The following ARSB variants were observed in gnomAD, a reference collection of about 807,000 sequenced individuals.
The protein encoded by ARSB is N-acetylgalactosamine-4-sulfatase.
ARSB carries 41 observed loss-of-function variants against 50.9 expected under a neutral mutation model. The observed-to-expected ratio is 0.81, with a 90% confidence interval of 0.63 to 1.04. ARSB has a LOEUF of 1.04. Ranked by LOEUF, ARSB falls within the 50% of genes least tolerant of loss-of-function variation. The pLI, the probability that ARSB is intolerant of heterozygous loss-of-function variation, is 0.00. For synonymous variants in ARSB, 269 were observed against 284.8 expected, an observed-to-expected ratio of 0.94 and a Z score of 0.56; for missense variants, 672 against 693.3, an observed-to-expected ratio of 0.97 and a Z score of 0.35.
At chr5:78,798,229 A>C (rs1743247193) in intron 6 of ARSB, among the ~76,000 whole-genome samples, 1 of 152,228 alleles carries the variant, frequency 6.6e-6, no homozygotes, top group South Asian at 2.1e-4. Context: ...GTGACAACAG[A>C]CAGCCATCTC....
At chr5:78,947,708 A>G (rs1419675322) in intron 4 of ARSB, among the ~76,000 whole-genome samples, 2 of 152,178 alleles carry the variant, frequency 1.3e-5, no homozygotes, top group Non-Finnish European at 2.9e-5. Flanking sequence ...TACAGCCACT[A>G]TGGAGAACAG....
intron 4 of ARSB, among the ~76,000 whole-genome samples, chr5:78,896,460 C>T (rs544515410): frequency 1.3e-5 from 2 of 152,126 alleles, no homozygotes; most frequent in African/African-American, 2.4e-5. Flanking sequence ...AGAGGTACTG[C>T]GTTCAGTGAC....
Position 78,784,277 on chromosome 5 carries a change from T to C in ARSB, c.1214-2303A>G, listed in dbSNP as rs1446080225. ...ACAGTATGGAGGTTCCTCAAAAAATTAAAAATAGAACTACCATACAGTGCA... is the reference window on the plus strand; with the variant it reads ...ACAGTATGGAGGTTCCTCAAAAAATCAAAAATAGAACTACCATACAGTGCA... On this transcript the variant is annotated intron_variant, in intron 6 of 7. Transcript: ENST00000264914. Among the ~76,000 whole-genome samples the C allele has an allele frequency of 2.0e-5, 3 of 152,194 alleles. No homozygotes were observed. The East Asian group carries it at 5.8e-4, about 29-fold the overall frequency.
chr5:78,896,105 A>G (rs1349075231), intron 4 of ARSB, among the ~76,000 whole-genome samples: 1 of 152,182 alleles, frequency 6.6e-6, no homozygotes, highest in African/African-American at 2.4e-5. Flanking sequence ...GATGGAAGGC[A>G]GGCTCAGAGG....
intron 4 of ARSB, among the ~76,000 whole-genome samples, chr5:78,902,684 T>C (rs887847297): frequency 2.0e-5 from 3 of 152,244 alleles, no homozygotes; most frequent in East Asian, 3.8e-4. Context: ...ATATATTGTA[T>C]GATTCCATTT....
At position 78,956,955 on chromosome 5, in the gene ARSB, A is replaced by G. The variant is rs185013465; in HGVS notation, c.691-1453T>C. On this transcript the variant is annotated intron_variant, in intron 3 of 7. Transcript: ENST00000264914. ...ACTATATTTTATGAGAAAAAAAGTG[A>G]ACACCATGCCTTGTTAGTCTTTGAT... Among the ~76,000 whole-genome samples, 10 of 147,000 alleles carry G rather than the reference A, an allele frequency of 6.8e-5. No individual in the cohort carries two copies. In the South Asian group the frequency reaches 8.4e-4, roughly 12 times the overall value.
chr5:78,965,253 T>A (rs776231875), intron 2 of ARSB, among the ~76,000 whole-genome samples: 18 of 152,052 alleles, frequency 1.2e-4, no homozygotes, highest in Non-Finnish European at 2.1e-4. Context: ...GCCTATCCCA[T>A]AATTTAGACT....
chr5:78,952,853 C>T (rs1301959163), intron 4 of ARSB, among the ~76,000 whole-genome samples: 2 of 152,112 alleles, frequency 1.3e-5, no homozygotes, highest in African/African-American at 2.4e-5. Flanking sequence ...TTATGACTTC[C>T]AATTCTTGCA....
rs553310372 is a variant in ARSB, at chr5:78,815,123, G to A, written c.1213+24233C>T. On this transcript the variant is annotated intron_variant, in intron 6 of 7. Transcript: ENST00000264914. ...TAAGTTTAATCACAACCCAATTATC[G>A]AAAAGATTATTGAAGTTGACTGTAG... Among the ~76,000 whole-genome samples, 31 of 150,904 alleles carry A rather than the reference G, an allele frequency of 2.1e-4. No individual in the cohort carries two copies. The South Asian group carries it at 5.6e-3, about 27-fold the overall frequency.
intron 4 of ARSB, among the ~76,000 whole-genome samples, chr5:78,934,192 A>G (rs1050629843): frequency 6.6e-6 from 1 of 152,234 alleles, no homozygotes; most frequent in Non-Finnish European, 1.5e-5. Context: ...TGGAACATCA[A>G]TAATGGTGAG....
At chr5:78,787,101 T>TCTAG (rs1362810973) in intron 6 of ARSB, among the ~76,000 whole-genome samples, 1 of 150,816 alleles carries the variant, frequency 6.6e-6, no homozygotes, top group Non-Finnish European at 1.5e-5. Context: ...CATCTATCTA[T>TCTAG]CTATCTATCT....
At chr5:78,858,134 G>A (rs3098678) in intron 5 of ARSB, among the ~76,000 whole-genome samples, 94,256 of 151,896 alleles carry the variant, frequency 0.62, 29,605 homozygotes, top group Middle Eastern at 0.67. Context: ...TGCTCAGTAA[G>A]ATGTACACAT....
intron 6 of ARSB, among the ~76,000 whole-genome samples, chr5:78,839,069 G>T (rs1001520272): frequency 6.6e-6 from 1 of 152,224 alleles, no homozygotes; most frequent in African/African-American, 2.4e-5. Context: ...GAGATGCCAT[G>T]AGTTCTTCTT....
At chr5:78,848,288 A>G (rs1405756634) in intron 5 of ARSB, among the ~76,000 whole-genome samples, 2 of 108,178 alleles carry the variant, frequency 1.8e-5, no homozygotes, top group African/African-American at 7.6e-5. Context: ...TCATTGTTCA[A>G]TTCCCACCTA....
At chr5:78,935,279 T>C (rs999931700) in intron 4 of ARSB, among the ~76,000 whole-genome samples, 1 of 152,220 alleles carries the variant, frequency 6.6e-6, no homozygotes, top group African/African-American at 2.4e-5. Flanking sequence ...CTTTAAAAAA[T>C]AATTCCTCAT....
chr5:78,941,791 A>C (rs368470020), intron 4 of ARSB, among the ~76,000 whole-genome samples: 9 of 151,656 alleles, frequency 5.9e-5, no homozygotes, highest in East Asian at 1.9e-4. Context: ...ATGATGCTGG[A>C]CTCATAAAAT....
chr5:78,853,092 G>C (rs993545527), intron 5 of ARSB, among the ~76,000 whole-genome samples: 2 of 152,206 alleles, frequency 1.3e-5, no homozygotes, highest in African/African-American at 2.4e-5. Flanking sequence ...TTGTTCCGTT[G>C]CTGGTGTGGA....
intron 5 of ARSB, among the ~76,000 whole-genome samples, chr5:78,842,306 C>T (rs1745259069): frequency 6.6e-6 from 1 of 152,206 alleles, no homozygotes; most frequent in African/African-American, 2.4e-5. Flanking sequence ...TCAAAGCTAA[C>T]TCTGCAAGCC....
At chr5:78,887,505 T>C (rs1748093547) in intron 4 of ARSB, among the ~76,000 whole-genome samples, 1 of 152,092 alleles carries the variant, frequency 6.6e-6, no homozygotes, top group African/African-American at 2.4e-5. Context: ...ACAAACCACA[T>C]CCAAACCATA....
Sources: gnomAD v4.1 joint callset for allele counts (sites outside exome capture counted in the v4.1 genomes callset) on GRCh38, gnomAD v4.1.1 for gene constraint, MANE v1.5 for transcripts, NCBI Gene and HGNC (gene_info 2026-07-23, HGNC 2026-07-21) for gene names.